IL1RAPL2: variants seen among roughly 807,000 people sequenced by gnomAD.
IL1RAPL2 encodes the protein X-linked interleukin-1 receptor accessory protein-like 2.
IL1RAPL2 carries 3 observed loss-of-function variants against 44.1 expected under a neutral mutation model. That is an observed-to-expected ratio of 0.07 (90% CI 0.03 to 0.18). IL1RAPL2 has a LOEUF of 0.18. Among genes scored for constraint, IL1RAPL2 ranks in the 10% least tolerant of loss-of-function variants. IL1RAPL2 has a pLI of 1.00. For synonymous variants in IL1RAPL2, 181 were observed against 178.8 expected (o/e 1.01, Z -0.10); for missense variants, 391 against 496.4 (o/e 0.79, Z 2.02).
chrX:104,650,159 G>C (rs1003890189), intron 1 of IL1RAPL2, among the ~76,000 whole-genome samples: 4 of 111,223 alleles, frequency 3.6e-5, no homozygotes, highest in Non-Finnish European at 7.6e-5. Flanking sequence ...AGGGGAATAT[G>C]AACTTCAGAA....
At chrX:104,676,794 C>T (rs1385744084) in intron 2 of IL1RAPL2, among the ~76,000 whole-genome samples, 4 of 111,522 alleles carry the variant, frequency 3.6e-5, no homozygotes, top group African/African-American at 9.8e-5. Context: ...AGGCTTTGCT[C>T]ATTTCTTTTT....
At position 104,908,167 on chromosome X, in the gene IL1RAPL2, T is replaced by G. The variant is rs1041862930; in HGVS notation, c.82+249172T>G. Among the ~76,000 whole-genome samples the G allele has an allele frequency of 1.5e-3, 162 of 111,685 alleles. 1 individual carries two copies. The highest frequency in any genetic ancestry group is 4.9e-3 in the African/African-American group (151 of 30,728). On this transcript the variant is annotated intron_variant, in intron 2 of 10. Transcript: ENST00000372582. ...TTTCCATTTGCTTGGTAGATTTTCCTCCATCCTTTTATTTTGAGCCTATGT... is the reference window on the plus strand; with the variant it reads ...TTTCCATTTGCTTGGTAGATTTTCCGCCATCCTTTTATTTTGAGCCTATGT...
At chrX:104,635,798 T>G (rs1332547303) in intron 1 of IL1RAPL2, among the ~76,000 whole-genome samples, 1 of 111,743 alleles carries the variant, frequency 8.9e-6, no homozygotes, top group Non-Finnish European at 1.9e-5. Flanking sequence ...ACTTCCTCCT[T>G]TAGCTCGGAG....
intron 2 of IL1RAPL2, among the ~76,000 whole-genome samples, chrX:104,993,841 G>A (rs1569357459): frequency 9.0e-6 from 1 of 111,691 alleles, no homozygotes; most frequent in African/African-American, 3.2e-5. Context: ...GTGAACTTCG[G>A]CTGTCTGAGT....
rs188910987 is a variant in IL1RAPL2, at chrX:104,910,785, A to C, written c.82+251790A>C. ...CACCTAATTCATGAGCTCTCTATAC[A>C]GAAAGAAATAATGGGAATGACTGGG... On this transcript the variant is annotated intron_variant, in intron 2 of 10. Transcript: ENST00000372582. 5.4e-5 allele frequency among the ~76,000 whole-genome samples: 6 copies of C among 112,084 alleles called. No individual in the cohort carries two copies. The East Asian group carries it at 1.1e-3, about 21-fold the overall frequency.
intron 2 of IL1RAPL2, among the ~76,000 whole-genome samples, chrX:105,030,730 C>A (rs184571345): frequency 9.0e-6 from 1 of 111,603 alleles, no homozygotes. Flanking sequence ...GAAATGTGGG[C>A]TCTTTTTTGG....
intron 2 of IL1RAPL2, among the ~76,000 whole-genome samples, chrX:104,735,638 ACT>A (rs1467741728): frequency 9.0e-6 from 1 of 111,610 alleles, no homozygotes; most frequent in African/African-American, 3.3e-5. Flanking sequence ...TAGAAGAATA[ACT>A]CAGTGCAATA....
chrX:105,273,919 A>G (rs893472507), intron 5 of IL1RAPL2, among the ~76,000 whole-genome samples: 1 of 111,761 alleles, frequency 8.9e-6, no homozygotes, highest in Non-Finnish European at 1.9e-5. Flanking sequence ...ATAAACTAAA[A>G]CTTAGGTGAA....
intron 2 of IL1RAPL2, among the ~76,000 whole-genome samples, chrX:105,153,968 G>T (rs1053435298): frequency 6.3e-5 from 7 of 111,360 alleles, no homozygotes; most frequent in Non-Finnish European, 1.3e-4. Flanking sequence ...TCTACAGAAT[G>T]CATATTTCCC....
intron 5 of IL1RAPL2, among the ~76,000 whole-genome samples, chrX:105,427,668 A>G (rs1274692293): frequency 8.9e-6 from 1 of 112,244 alleles, no homozygotes; most frequent in Admixed American, 9.5e-5. Flanking sequence ...TAGAGGAAGA[A>G]GAATCCAAAA....
chrX:105,588,382 T>C (rs1275866778), intron 6 of IL1RAPL2, among the ~76,000 whole-genome samples: 1 of 111,947 alleles, frequency 8.9e-6, no homozygotes, highest in African/African-American at 3.2e-5. Flanking sequence ...TAATTTTTAA[T>C]TTTAATTTTT....
chrX:104,620,391 G>A (rs1279503403), intron 1 of IL1RAPL2, among the ~76,000 whole-genome samples: 5 of 108,613 alleles, frequency 4.6e-5, no homozygotes, highest in African/African-American at 1.7e-4. Context: ...TGTAATCCCA[G>A]CACTTTGGGA....
intron 2 of IL1RAPL2, among the ~76,000 whole-genome samples, chrX:105,007,340 C>A (rs2030960538): frequency 9.0e-6 from 1 of 111,160 alleles, no homozygotes; most frequent in Non-Finnish European, 1.9e-5. Flanking sequence ...AAACTATGTC[C>A]CAAACCATGT....
intron 2 of IL1RAPL2, among the ~76,000 whole-genome samples, chrX:105,002,606 G>A (rs2030870937): frequency 9.1e-6 from 1 of 110,495 alleles, no homozygotes; most frequent in African/African-American, 3.3e-5. Context: ...TTTTCATAAT[G>A]GTGGCATTTA....
chrX:104,868,190 G>C (rs1398983425), intron 2 of IL1RAPL2, among the ~76,000 whole-genome samples: 1 of 111,894 alleles, frequency 8.9e-6, no homozygotes, highest in African/African-American at 3.2e-5. Flanking sequence ...TTGCCTCTCA[G>C]ACACAAGTAG....
At chrX:104,771,409 C>G (rs758043100) in intron 2 of IL1RAPL2, among the ~76,000 whole-genome samples, 17 of 112,210 alleles carry the variant, frequency 1.5e-4, no homozygotes, top group Non-Finnish European at 2.6e-4. Context: ...ACTCAATTAG[C>G]CTGTCAGATA....
intron 5 of IL1RAPL2, among the ~76,000 whole-genome samples, chrX:105,417,195 C>T (rs188769351): frequency 5.7e-4 from 64 of 112,385 alleles, no homozygotes; most frequent in Non-Finnish European, 8.5e-4. Context: ...TGAAGTAGGC[C>T]GGGCGCAGTG....
intron 2 of IL1RAPL2, among the ~76,000 whole-genome samples, chrX:104,676,204 T>G (rs1339209656): frequency 8.9e-6 from 1 of 111,757 alleles, no homozygotes; most frequent in Non-Finnish European, 1.9e-5. Context: ...TGGATGATCT[T>G]TACATTTTGG....
chrX:104,585,247 G>T (rs192130003), intron 1 of IL1RAPL2, among the ~76,000 whole-genome samples: 24 of 20,644 alleles, frequency 1.2e-3, no homozygotes, highest in African/African-American at 4.1e-3. Flanking sequence ...TATAATATAT[G>T]ATATATAATA....
Sources: allele counts gnomAD v4.1 joint callset (sites outside exome capture counted in the v4.1 genomes callset), GRCh38; gene constraint gnomAD v4.1.1; transcripts MANE v1.5; gene names NCBI Gene and HGNC (gene_info 2026-07-23, HGNC 2026-07-21).